The following CSF1R variants were observed in gnomAD, a reference collection of about 807,000 sequenced individuals.
The protein encoded by CSF1R is macrophage colony-stimulating factor 1 receptor.
A neutral mutation model predicts 110.0 loss-of-function variants in CSF1R; 40 were observed. The ratio of observed to expected loss-of-function variants is 0.36; its 90% CI spans 0.28 to 0.47. The LOEUF is 0.47. CSF1R is among the 20% of genes least tolerant of loss of function. The pLI is 0.99. For synonymous variants in CSF1R, 523 were observed against 503.4 expected, an observed-to-expected ratio of 1.04 and a Z score of -0.52; for missense variants, 1,052 against 1,253.0, an observed-to-expected ratio of 0.84 and a Z score of 2.42.
At chr5:150,057,660 G>T in intron 14 of CSF1R, 68 bp from the exon 15 acceptor site, 2 of 1,187,136 alleles carry the variant, frequency 1.7e-6, no homozygotes, top group South Asian at 2.5e-5. Context: ...CTCAGGCCTT[G>T]ACCACCCACC....
At chr5:150,102,419 T>C (rs1427023995) in intron 1 of CSF1R, among the ~76,000 whole-genome samples, 1 of 152,248 alleles carries the variant, frequency 6.6e-6, no homozygotes, top group Non-Finnish European at 1.5e-5. Flanking sequence ...GTATTGGCTA[T>C]TGGTATTTCT....
chr5:150,080,289 C>T lies in CSF1R; in HGVS notation c.355G>A (p.Glu119Lys), dbSNP rs1561939362. ...CAGGGCAGTAGTGCGTCCTGGTCCT[C>T]GAACACGACCACCTCCTGTGCTAGC... is the stretch of plus-strand genomic sequence containing the variant. ...NVLAQEVVVF[E>K]DQDALLPCLL... is the part of the protein sequence containing the mutation. Residue 119 changes from glutamate (E) to lysine (K), a missense_variant, in exon 3 of 21, where the codon GAG (glutamate) becomes AAG (lysine). Physicochemically the swap from Glu to Lys is moderately conservative, Grantham distance 56. Coordinates refer to ENST00000675795, the MANE Select transcript of CSF1R (RefSeq NM_001288705.3). The T allele has an allele frequency of 6.2e-7, 1 of 1,613,896 alleles. No individual in the cohort carries two copies. Among genetic ancestry groups the T allele is most frequent in the Non-Finnish European group, 8.5e-7 (1 of 1,180,042 alleles).
At chr5:150,095,408 TAA>T (rs1759191782) in intron 1 of CSF1R, among the ~76,000 whole-genome samples, 1 of 152,118 alleles carries the variant, frequency 6.6e-6, no homozygotes, top group Non-Finnish European at 1.5e-5. Flanking sequence ...AAAGTTTAAA[TAA>T]GTTATGCAAA....
chr5:150,081,454 A>G (rs1758539651), intron 1 of CSF1R, among the ~76,000 whole-genome samples: 1 of 152,144 alleles, frequency 6.6e-6, no homozygotes, highest in South Asian at 2.1e-4. Flanking sequence ...CCTCAGCTTA[A>G]TTCATATGGG....
chr5:150,068,909 A>C (rs1259779187), intron 9 of CSF1R, among the ~76,000 whole-genome samples: 1 of 152,220 alleles, frequency 6.6e-6, no homozygotes, highest in Admixed American at 6.5e-5. Flanking sequence ...TCAGATCAGT[A>C]ACTTAGATCT....
At chr5:150,105,196 A>G (rs776610305) in intron 1 of CSF1R, among the ~76,000 whole-genome samples, 1 of 149,734 alleles carries the variant, frequency 6.7e-6, no homozygotes, top group Non-Finnish European at 1.5e-5. Flanking sequence ...AAAATACAAA[A>G]CATCAGCCAG....
chr5:150,059,921 G>A, intron 13 of CSF1R, 59 bp from the exon 14 acceptor site: 5 of 1,560,176 alleles, frequency 3.2e-6, no homozygotes, highest in African/African-American at 1.4e-5. Flanking sequence ...CCATGAACAG[G>A]AGCATGAGAC....
At chr5:150,105,347 CAAAAAAAA>C (rs780403646) in intron 1 of CSF1R, among the ~76,000 whole-genome samples, 1 of 76,552 alleles carries the variant, frequency 1.3e-5, no homozygotes, top group Non-Finnish European at 2.3e-5. Context: ...GACTCTGTCT[CAAAAAAAA>C]AAAAAAAAAT....
chr5:150,065,495 C>T (rs1757724781), intron 10 of CSF1R, among the ~76,000 whole-genome samples: 1 of 152,202 alleles, frequency 6.6e-6, no homozygotes, highest in African/African-American at 2.4e-5. Flanking sequence ...ATGATTCAGC[C>T]CTGAGGCAGA....
At position 150,070,425 on chromosome 5, in the gene CSF1R, G is replaced by A. The variant is rs371814666; in HGVS notation, c.1198+31C>T. On this transcript the variant is annotated intron_variant, in intron 7 of 20. Transcript: ENST00000675795. ...CCCTCCAGGCAGTCCCAGGGCCTCCGCCCCAGGTGGCGCTCGGCCCCAGCA... is the reference window on the plus strand; with the variant it reads ...CCCTCCAGGCAGTCCCAGGGCCTCCACCCCAGGTGGCGCTCGGCCCCAGCA... 1.0e-5 allele frequency: 16 copies of A among 1,553,190 alleles called. No individual in the cohort carries two copies. The African/African-American group carries it at 1.1e-4, about 11-fold the overall frequency.
intron 1 of CSF1R, among the ~76,000 whole-genome samples, chr5:150,097,545 C>T (rs1249448234): frequency 6.6e-6 from 1 of 151,776 alleles, no homozygotes; most frequent in African/African-American, 2.4e-5. Context: ...AAAGAATCTA[C>T]AAAAAAGTTA....
intron 1 of CSF1R, among the ~76,000 whole-genome samples, chr5:150,105,098 C>T (rs1374443125): frequency 6.6e-6 from 1 of 151,586 alleles, no homozygotes. Flanking sequence ...CCTATAATCC[C>T]AGCACTTTGG....
At chr5:150,087,344 C>T (rs2113847466), upstream of CSF1R, among the ~76,000 whole-genome samples, 1 of 152,328 alleles carries the variant, frequency 6.6e-6, no homozygotes, top group African/African-American at 2.4e-5. Context: ...TTTTACAGGA[C>T]ATTTACTAGC....
rs1258322250 is a variant in CSF1R at position 150,054,511 on chromosome 5, C to T, written c.2655-81G>A. On this transcript the variant is annotated intron_variant, in intron 19 of 20. Coordinates refer to ENST00000675795, the MANE Select transcript of CSF1R (RefSeq NM_001288705.3). ...TAACACACACCCCTAGAGAGACCTA[C>T]CCAGCAGAGGTCCCCAAACCCAGTC... 9.2e-6 allele frequency: 11 copies of T among 1,192,950 alleles called. No homozygotes were observed. In the Admixed American group the frequency reaches 1.3e-4, roughly 14 times the overall value. 73.9% of individuals were successfully genotyped at this position (1,192,950 alleles called of 1,614,324 possible).
chr5:150,097,538 G>T (rs1319326254), intron 1 of CSF1R, among the ~76,000 whole-genome samples: 1 of 152,018 alleles, frequency 6.6e-6, no homozygotes, highest in African/African-American at 2.4e-5. Context: ...AAATGCCAAA[G>T]AATCTACAAA....
chr5:150,080,421 A>C, intron 2 of CSF1R, 85 bp from the exon 3 acceptor site: 9 of 1,502,874 alleles, frequency 6.0e-6, no homozygotes, highest in Non-Finnish European at 7.2e-6. Flanking sequence ...AAGGAAGCTC[A>C]GAGAGGCTGA....
At chr5:150,100,384 G>T (rs1467208007) in intron 1 of CSF1R, among the ~76,000 whole-genome samples, 1 of 130,774 alleles carries the variant, frequency 7.6e-6, no homozygotes, top group Non-Finnish European at 1.6e-5. Flanking sequence ...TGCAACCTCC[G>T]CCTCCCGGGT....
At chr5:150,093,782 G>A (rs1478255122) in intron 1 of CSF1R, among the ~76,000 whole-genome samples, 1 of 152,126 alleles carries the variant, frequency 6.6e-6, no homozygotes, top group African/African-American at 2.4e-5. Context: ...CAATTATTGA[G>A]GCCGGGCACA....
intron 13 of CSF1R, among the ~76,000 whole-genome samples, chr5:150,060,334 A>G (rs1276065939): frequency 6.7e-6 from 1 of 148,878 alleles, no homozygotes; most frequent in Non-Finnish European, 1.5e-5. Context: ...CTCAAGAAAA[A>G]AAAAACAAAA....
Sources: gnomAD v4.1 joint callset for allele counts (sites outside exome capture counted in the v4.1 genomes callset) on GRCh38, gnomAD v4.1.1 for gene constraint, MANE v1.5 for transcripts, NCBI Gene and HGNC (gene_info 2026-07-23, HGNC 2026-07-21) for gene names.